The following CALCR variants were observed in gnomAD, a reference collection of about 807,000 sequenced individuals.
The protein encoded by CALCR is calcitonin receptor.
Under a neutral mutation model 59.5 loss-of-function variants are expected in CALCR, and 47 were observed. The ratio of observed to expected loss-of-function variants is 0.79; its 90% CI spans 0.63 to 1.01. The LOEUF is 1.01. Among genes scored for constraint, CALCR ranks in the 50% least tolerant of loss-of-function variants. The probability of loss-of-function intolerance (pLI) is 0.00; values close to 1 mark genes in which losing one functional copy is unlikely to be tolerated. For synonymous variants in CALCR, 213 were observed against 211.3 expected (o/e 1.01, Z -0.07); for missense variants, 566 against 597.1 (o/e 0.95, Z 0.54).
intron 2 of CALCR, among the ~76,000 whole-genome samples, chr7:93,540,517 C>T (rs113226299): frequency 6.6e-6 from 1 of 151,950 alleles, no homozygotes; most frequent in Non-Finnish European, 1.5e-5. Flanking sequence ...CATTTACTTA[C>T]AGCAAAATTG....
chr7:93,463,232 A>T (rs1447042988), intron 7 of CALCR, among the ~76,000 whole-genome samples: 1 of 151,838 alleles, frequency 6.6e-6, no homozygotes, highest in Non-Finnish European at 1.5e-5. Context: ...CATACAGCAT[A>T]TATGCATATA....
At chr7:93,539,605 A>G (rs1789078268) in intron 2 of CALCR, among the ~76,000 whole-genome samples, 1 of 151,804 alleles carries the variant, frequency 6.6e-6, no homozygotes, top group Admixed American at 6.6e-5. Context: ...GGAATCAGGC[A>G]TGTATGACCT....
At chr7:93,480,180 T>G (rs1249757233) in intron 3 of CALCR, among the ~76,000 whole-genome samples, 1 of 151,922 alleles carries the variant, frequency 6.6e-6, no homozygotes, top group Non-Finnish European at 1.5e-5. Flanking sequence ...TGACAATAGT[T>G]TTTTTCAGTT....
intron 2 of CALCR, among the ~76,000 whole-genome samples, chr7:93,490,935 A>C (rs563618478): frequency 3.3e-5 from 5 of 151,630 alleles, no homozygotes; most frequent in Non-Finnish European, 7.4e-5. Flanking sequence ...TCAAAAAAAA[A>C]CCTGTATAGC....
chr7:93,434,772 G>C (rs758325488), intron 12 of CALCR, among the ~76,000 whole-genome samples: 1 of 152,118 alleles, frequency 6.6e-6, no homozygotes, highest in Non-Finnish European at 1.5e-5. Context: ...TAAGGACATG[G>C]ACTAAGAAAC....
rs188231940 is a variant in CALCR at position 93,555,481 on chromosome 7, T to G, written c.-27+18808A>C. On this transcript the variant is annotated intron_variant, in intron 2 of 13. Transcript: ENST00000426151. ...ACTAGGGTTAGCAGTCCAAATAAAT[T>G]TGATAGTGGTTTAAACTGCAAAAAG... 2.2e-3 allele frequency among the ~76,000 whole-genome samples: 342 copies of G among 152,152 alleles called. 3 individuals carry two copies. The highest frequency in any genetic ancestry group is 7.8e-3 in the African/African-American group (325 of 41,520).
chr7:93,477,523 A>G (rs1293683987), intron 5 of CALCR, 35 bp downstream of exon 5: 2 of 1,414,062 alleles, frequency 1.4e-6, no homozygotes, highest in Non-Finnish European at 2.0e-6. Context: ...TAAAAGCTTC[A>G]TAGCAAGAAC....
At chr7:93,570,003 T>C (rs1789965885) in intron 2 of CALCR, among the ~76,000 whole-genome samples, 1 of 150,974 alleles carries the variant, frequency 6.6e-6, no homozygotes, top group African/African-American at 2.4e-5. Flanking sequence ...TAGACTGAGG[T>C]TGACATGCAA....
At chr7:93,434,008 G>A (rs1799715075) in intron 13 of CALCR, among the ~76,000 whole-genome samples, 2 of 152,202 alleles carry the variant, frequency 1.3e-5, no homozygotes, top group South Asian at 4.1e-4. Flanking sequence ...TCCTGAGGGT[G>A]CTGATCTGTT....
rs1392442819 is a variant in CALCR, at chr7:93,563,611, G to A, written c.-27+10678C>T. ...GAGTACATCCCATGACAGCTGTAGA[G>A]GTTAATATTTAGAATAAATAAGAAA... On this transcript the variant is annotated intron_variant, in intron 2 of 13. Coordinates refer to ENST00000426151, the MANE Select transcript of CALCR (RefSeq NM_001742.4). Among the ~76,000 whole-genome samples, 5 of 152,236 alleles carry A rather than the reference G, an allele frequency of 3.3e-5. 1 individual carries two copies. The Middle Eastern group carries it at 0.01, about 311-fold the overall frequency.
intron 13 of CALCR, among the ~76,000 whole-genome samples, chr7:93,431,364 C>T (rs1467036371): frequency 6.6e-6 from 1 of 152,176 alleles, no homozygotes; most frequent in Admixed American, 6.5e-5. Context: ...GGAGCAGCAA[C>T]GGCTATGGCA....
chr7:93,449,405 TAA>T (rs910389939), intron 8 of CALCR, among the ~76,000 whole-genome samples: 1 of 152,190 alleles, frequency 6.6e-6, no homozygotes, highest in East Asian at 1.9e-4. Context: ...ATTTTTTTAT[TAA>T]GTTTTATTTA....
At chr7:93,510,778 C>T (rs1246184292) in intron 2 of CALCR, among the ~76,000 whole-genome samples, 1 of 152,070 alleles carries the variant, frequency 6.6e-6, no homozygotes, top group South Asian at 2.1e-4. Flanking sequence ...GGGAGGATTG[C>T]TTGAGCCCAG....
rs1409397896 is a variant in CALCR, at chr7:93,425,174, G to C, written c.*1182C>G. On this transcript the variant is annotated 3_prime_UTR_variant, in exon 14 of 14. Coordinates refer to ENST00000426151, the MANE Select transcript of CALCR (RefSeq NM_001742.4). Reference sequence around the variant, plus strand: ...AAGAGAGATATGATAATATAATACTGGATTTTAATGAGAAACGTTAAACAT... The same window carrying C: ...AAGAGAGATATGATAATATAATACTCGATTTTAATGAGAAACGTTAAACAT... The C allele has an allele frequency of 2.6e-5, 4 of 152,536 alleles. No individual in the cohort carries two copies. The highest frequency in any genetic ancestry group is 9.7e-5 in the African/African-American group (4 of 41,420). The allele number at this position is 152,536 out of a possible 1,614,324, so 9.4% of individuals were successfully genotyped here. A position where few individuals can be genotyped will look rare whatever the true frequency, so the allele number is the denominator to read the frequency against.
chr7:93,451,839 A>T (rs1369771470), intron 8 of CALCR, among the ~76,000 whole-genome samples: 2 of 152,054 alleles, frequency 1.3e-5, no homozygotes, highest in African/African-American at 4.8e-5. Flanking sequence ...CCATGCAGAC[A>T]TAAGAAAGAA....
In CALCR at chr7:93,516,837, G is replaced by A. The variant is rs1458967501; in HGVS notation, c.-26-29830C>T. ...TAAAATATAAATTGCCCAGAATAGA[G>A]GATGATGTTGCATCACTCTTAAATT... On this transcript the variant is annotated intron_variant, in intron 2 of 13. Coordinates refer to ENST00000426151, the MANE Select transcript of CALCR (RefSeq NM_001742.4). Among the ~76,000 whole-genome samples the A allele has an allele frequency of 4.6e-5, 7 of 151,790 alleles. No individual in the cohort carries two copies. The Admixed American group carries it at 4.6e-4, about 10-fold the overall frequency.
intron 2 of CALCR, among the ~76,000 whole-genome samples, chr7:93,510,895 A>C (rs1234547510): frequency 6.6e-6 from 1 of 151,660 alleles, no homozygotes; most frequent in Non-Finnish European, 1.5e-5. Context: ...AACAAACAAA[A>C]ATTATTTAGG....
At chr7:93,537,359 C>G (rs980122674) in intron 2 of CALCR, among the ~76,000 whole-genome samples, 1 of 151,674 alleles carries the variant, frequency 6.6e-6, no homozygotes, top group Non-Finnish European at 1.5e-5. Context: ...TGCTAGGTTA[C>G]CCCATGGAAC....
At chr7:93,563,665 A>G (rs1415145912) in intron 2 of CALCR, among the ~76,000 whole-genome samples, 1 of 152,202 alleles carries the variant, frequency 6.6e-6, no homozygotes, top group East Asian at 1.9e-4. Flanking sequence ...TTTACTTTCT[A>G]CCCATGGATC....
Sources: allele counts gnomAD v4.1 joint callset (sites outside exome capture counted in the v4.1 genomes callset), GRCh38; gene constraint gnomAD v4.1.1; transcripts MANE v1.5; gene names NCBI Gene and HGNC (gene_info 2026-07-23, HGNC 2026-07-21).